VPS13D: variants seen among roughly 807,000 people sequenced by gnomAD.
VPS13D encodes vacuolar protein sorting 13 homolog D.
Under a neutral mutation model 461.9 loss-of-function variants are expected in VPS13D, and 187 were observed. That is an observed-to-expected ratio of 0.40 (90% confidence interval 0.36 to 0.46). The LOEUF (loss-of-function observed/expected upper bound fraction) is 0.46. Among genes scored for constraint, VPS13D ranks in the 20% least tolerant of loss-of-function variants. The pLI is 0.60. For synonymous variants in VPS13D, 1,951 were observed against 1,986.3 expected (o/e 0.98, Z 0.47); for missense variants, 4,711 against 5,364.9 (o/e 0.88, Z 3.81).
intron 55 of VPS13D, among the ~76,000 whole-genome samples, chr1:12,375,356 A>G (rs1414872594): frequency 6.6e-6 from 1 of 152,162 alleles, no homozygotes; most frequent in Admixed American, 6.5e-5. Context: ...TGTATGCACA[A>G]ATATACATAT....
intron 27 of VPS13D, 36 bp downstream of exon 27, chr1:12,308,677 G>A (rs780747401): frequency 4.4e-6 from 7 of 1,593,486 alleles, no homozygotes; most frequent in East Asian, 2.2e-5. Context: ...ATGGAGTCTC[G>A]CTCTGTTCAC....
intron 68 of VPS13D, chr1:12,499,828 G>C (rs1241123722): frequency 4.1e-6 from 4 of 985,280 alleles, no homozygotes; most frequent in Admixed American, 1.2e-4. Flanking sequence ...GGTCTTCGCG[G>C]TGGAGTGAAC....
intron 27 of VPS13D, among the ~76,000 whole-genome samples, chr1:12,310,018 A>G (rs1642688910): frequency 6.6e-6 from 1 of 152,040 alleles, no homozygotes; most frequent in Admixed American, 6.6e-5. Flanking sequence ...ATTTGGTTTT[A>G]CTGGCTAAGC....
At chr1:12,302,487 G>T (rs538857482) in intron 25 of VPS13D, among the ~76,000 whole-genome samples, 1 of 152,280 alleles carries the variant, frequency 6.6e-6, no homozygotes, top group South Asian at 2.1e-4. Flanking sequence ...TTGCAAAAGG[G>T]TTCCTATTTT....
intron 67 of VPS13D, among the ~76,000 whole-genome samples, chr1:12,486,505 G>A (rs1645798635): frequency 1.3e-5 from 2 of 152,190 alleles, no homozygotes; most frequent in African/African-American, 4.8e-5. Flanking sequence ...CTGAGGAGCG[G>A]CCAGGGTTCC....
At chr1:12,261,372 A>G (rs918060740) in intron 12 of VPS13D, among the ~76,000 whole-genome samples, 1 of 152,230 alleles carries the variant, frequency 6.6e-6, no homozygotes, top group African/African-American at 2.4e-5. Context: ...CAGAGCGTGT[A>G]AAAGAACTAA....
intron 66 of VPS13D, 65 bp from the exon 67 acceptor site, chr1:12,460,136 T>G: frequency 1.4e-6 from 2 of 1,409,030 alleles, no homozygotes; most frequent in Non-Finnish European, 9.5e-7. Flanking sequence ...AATCAAGGGG[T>G]TTGGCTTTAA....
At position 12,390,526 on chromosome 1, in the gene VPS13D, T is replaced by C. The variant is rs142697867; in HGVS notation, c.11634+4192T>C. 1.2e-3 allele frequency among the ~76,000 whole-genome samples: 177 copies of C among 152,222 alleles called. 1 individual carries two copies. In the East Asian group the frequency reaches 0.03, roughly 26 times the overall value. Reference sequence around the variant, plus strand: ...AATACCATGACAGTGGATAAGGCATTCCATGAGTCCACAGAGGTAGTCTTG... The same window carrying C: ...AATACCATGACAGTGGATAAGGCATCCCATGAGTCCACAGAGGTAGTCTTG... On this transcript the variant is annotated intron_variant, in intron 60 of 69. Transcript: ENST00000620676.
At chr1:12,312,055 T>TGATAC in intron 29 of VPS13D, 130 bp downstream of exon 29, 1 of 598,152 alleles carries the variant, frequency 1.7e-6, no homozygotes, top group South Asian at 3.1e-5. Context: ...GAGTGTCTTT[T>TGATAC]GGTTGATCTA....
At position 12,435,887 on chromosome 1, in the gene VPS13D, G is replaced by A. The variant is rs906862837; in HGVS notation, c.12333+19060G>A. ...TAGATGCTGTACCATCCAGGCCAAAGTGTGTGGCCGAAACCAGGAAATTGT... is the reference window on the plus strand; with the variant it reads ...TAGATGCTGTACCATCCAGGCCAAAATGTGTGGCCGAAACCAGGAAATTGT... On this transcript the variant is annotated intron_variant, in intron 65 of 69. Transcript: ENST00000620676. Among the ~76,000 whole-genome samples the A allele has an allele frequency of 5.9e-5, 9 of 152,316 alleles. No homozygotes were observed. The East Asian group carries it at 1.5e-3, about 26-fold the overall frequency.
chr1:12,339,348 T>G (rs1001611331), intron 40 of VPS13D, among the ~76,000 whole-genome samples: 11 of 152,220 alleles, frequency 7.2e-5, no homozygotes, highest in East Asian at 1.9e-4. Context: ...TTAATCTGCT[T>G]CTTATGATTT....
At chr1:12,253,691 C>T in intron 6 of VPS13D, 31 bp from the exon 7 acceptor site, 1 of 1,495,240 alleles carries the variant, frequency 6.7e-7, no homozygotes, top group Non-Finnish European at 9.3e-7. Context: ...AGACAGTCAT[C>T]CTATTTTCTT....
chr1:12,232,227 T>G (rs1047510494), intron 1 of VPS13D, among the ~76,000 whole-genome samples: 1 of 152,244 alleles, frequency 6.6e-6, no homozygotes, highest in African/African-American at 2.4e-5. Flanking sequence ...GCTGTCACTG[T>G]TGACCAATAA....
chr1:12,445,530 C>G (rs995535509), intron 65 of VPS13D, among the ~76,000 whole-genome samples: 1 of 152,128 alleles, frequency 6.6e-6, no homozygotes, highest in Non-Finnish European at 1.5e-5. Flanking sequence ...TTTCCCAGGT[C>G]ACCCTTTGTG....
chr1:12,367,553 A>AATTTATTTATCTATTTATTT (rs1553184245), intron 52 of VPS13D: 22 of 148,878 alleles, frequency 1.5e-4, no homozygotes, highest in African/African-American at 4.0e-4. Flanking sequence ...GTTGCGATGA[A>AATTTATTTATCTATTTATTT]ATTTATTTAT....
intron 16 of VPS13D, among the ~76,000 whole-genome samples, chr1:12,269,333 A>G (rs1641365785): frequency 6.6e-6 from 1 of 152,210 alleles, no homozygotes; most frequent in African/African-American, 2.4e-5. Context: ...ATTGCAAAAC[A>G]TTCTTATAAA....
Position 12,351,412 on chromosome 1 carries a change from TC to T in VPS13D, c.9431+2040del, listed in dbSNP as rs556315366. Among the ~76,000 whole-genome samples the T allele has an allele frequency of 4.4e-3, 672 of 152,180 alleles. 7 individuals are homozygous for T. Among genetic ancestry groups the T allele is most frequent in the African/African-American group, 0.016 (655 of 41,516 alleles). The stretch of plus-strand genomic sequence containing the variant: ...TTCAAGCGATTCTCCTGCCTCAGCC[TC>T]CTGAGTAGCTGGGATTACAGGCGCC... On this transcript the variant is annotated intron_variant, in intron 46 of 69. Coordinates refer to ENST00000620676, the MANE Select transcript of VPS13D (RefSeq NM_015378.4).
intron 49 of VPS13D, among the ~76,000 whole-genome samples, chr1:12,356,913 G>A (rs1196770283): frequency 3.3e-5 from 5 of 152,190 alleles, no homozygotes; most frequent in African/African-American, 7.2e-5. Flanking sequence ...TGGTGAAGCC[G>A]TCAGCCTCAT....
At chr1:12,478,782 C>T in intron 67 of VPS13D, 1 of 456,100 alleles carries the variant, frequency 2.2e-6, no homozygotes, top group Non-Finnish European at 4.4e-6. Flanking sequence ...TTCAGAGTAG[C>T]TCTCTGTTTG....
Sources: gnomAD v4.1 joint callset for allele counts (sites outside exome capture counted in the v4.1 genomes callset) on GRCh38, gnomAD v4.1.1 for gene constraint, MANE v1.5 for transcripts, NCBI Gene and HGNC (gene_info 2026-07-23, HGNC 2026-07-21) for gene names.